Variants in C3orf49 observed in about 807,000 individuals in gnomAD.
C3orf49 encodes the protein chromosome 3 open reading frame 49, also known as putative uncharacterized protein C3orf49.
C3orf49 carries 27 observed loss-of-function variants against 13.3 expected under a neutral mutation model. The ratio of observed to expected loss-of-function variants is 2.02; its 90% CI spans 1.49 to 2.79. C3orf49 has a LOEUF of 2.79. C3orf49 is among the 30% of genes most tolerant of loss of function. The probability of loss-of-function intolerance (pLI) is 0.00; values close to 1 mark genes in which losing one functional copy is unlikely to be tolerated. For synonymous variants in C3orf49, 87 were observed against 47.6 expected (o/e 1.83, Z -3.40); for missense variants, 242 against 134.2 (o/e 1.80, Z -3.97).
intron 3 of C3orf49, 137 bp downstream of exon 3, chr3:63,827,862 A>T: frequency 1.8e-6 from 1 of 569,508 alleles, no homozygotes; most frequent in Non-Finnish European, 3.1e-6. Flanking sequence ...TCTCCTCTCC[A>T]AGAATTTAGG....
At chr3:63,795,652 CTG>C in the C3orf49 span, among the ~76,000 whole-genome samples, 1 of 152,142 alleles carries the variant, frequency 6.6e-6, no homozygotes, top group Non-Finnish European at 1.5e-5. Context: ...GCTGTAAACA[CTG>C]TGTACAAACT....
chr3:63,836,473 GA>G, intron 5 of C3orf49: 1 of 905,466 alleles, frequency 1.1e-6, no homozygotes, highest in Non-Finnish European at 1.7e-6. Context: ...ATCAAGAAAT[GA>G]AATCACTGAA....
upstream of C3orf49, among the ~76,000 whole-genome samples, chr3:63,818,933 G>T (rs1167600011): frequency 6.6e-6 from 1 of 152,192 alleles, no homozygotes; most frequent in Non-Finnish European, 1.5e-5. Context: ...TGTCATATGT[G>T]TCCCACAGGA....
upstream of C3orf49, among the ~76,000 whole-genome samples, chr3:63,818,113 G>C (rs1160995515): frequency 6.6e-6 from 1 of 152,096 alleles, no homozygotes; most frequent in African/African-American, 2.4e-5. Flanking sequence ...AGGGACAGAG[G>C]AACATCTGCA....
chr3:63,816,842 G>A (rs1701330727), upstream of C3orf49, among the ~76,000 whole-genome samples: 4 of 137,268 alleles, frequency 2.9e-5, no homozygotes, highest in South Asian at 2.3e-4. Flanking sequence ...GCGCGATCTC[G>A]GCTCACTGCA....
chr3:63,785,577 A>G, the C3orf49 span, among the ~76,000 whole-genome samples: 1 of 152,196 alleles, frequency 6.6e-6, no homozygotes, highest in African/African-American at 2.4e-5. Flanking sequence ...AATAAAAATA[A>G]TAACTTGAAC....
chr3:63,842,609 A>C (rs926697469), intron 5 of C3orf49, among the ~76,000 whole-genome samples: 2 of 152,214 alleles, frequency 1.3e-5, no homozygotes, highest in Non-Finnish European at 2.9e-5. Context: ...TGGAAAATCA[A>C]ATACCATATG....
rs1248220295 is a variant in C3orf49 at position 63,823,299 on chromosome 3, C to T, written c.175C>T (p.Pro59Ser). 2.8e-6 allele frequency: 2 copies of T among 702,604 alleles called. No homozygotes were observed. The highest frequency in any genetic ancestry group is 5.4e-5 in the East Asian group (2 of 37,276). 43.5% of individuals were successfully genotyped at this position (702,604 alleles called of 1,614,324 possible). ...TNLLKQNVLV[P>S]KEESSSDSDM... ...CTTACTAAAACAAAATGTATTGGTC[C>T]CTAAAGAGGAATCATCCAGTGATAG... The change falls in exon 2 of 7, where the codon CCT becomes TCT. Residue 59 changes from proline to serine, a missense_variant. By Grantham distance (74) the Pro-to-Ser change is moderately conservative. Coordinates refer to ENST00000295896, the MANE Select transcript of C3orf49 (RefSeq NM_001355236.2).
the C3orf49 span, among the ~76,000 whole-genome samples, chr3:63,798,915 C>G: frequency 6.6e-6 from 1 of 152,018 alleles, no homozygotes; most frequent in African/African-American, 2.4e-5. Flanking sequence ...ATTTAGAAGT[C>G]CTTTATTTGA....
At chr3:63,838,443 C>T in intron 5 of C3orf49, 2 of 1,609,482 alleles carry the variant, frequency 1.2e-6, no homozygotes, top group Non-Finnish European at 1.7e-6. Context: ...TAAAGTTTTG[C>T]CCATTGAAAA....
chr3:63,798,834 C>T, the C3orf49 span, among the ~76,000 whole-genome samples: 1 of 152,122 alleles, frequency 6.6e-6, no homozygotes, highest in African/African-American at 2.4e-5. Context: ...CCAAATATGG[C>T]CCAGGAACAA....
intron 5 of C3orf49, among the ~76,000 whole-genome samples, chr3:63,844,264 A>G (rs1191441849): frequency 6.6e-6 from 1 of 152,228 alleles, no homozygotes; most frequent in Admixed American, 6.5e-5. Context: ...AGGCAAGAGC[A>G]ATAAATTTCA....
intron 3 of C3orf49, among the ~76,000 whole-genome samples, chr3:63,830,764 G>C (rs1701522053): frequency 6.6e-6 from 1 of 152,104 alleles, no homozygotes; most frequent in African/African-American, 2.4e-5. Flanking sequence ...TGGGGCACTG[G>C]TCCACAACGG....
the C3orf49 span, among the ~76,000 whole-genome samples, chr3:63,795,598 T>C: frequency 5.6e-4 from 85 of 152,246 alleles, no homozygotes; most frequent in African/African-American, 1.9e-3. Context: ...TGCTCAATCG[T>C]CCTCTTCCTT....
In C3orf49 at chr3:63,831,684, A is replaced by G. The variant is rs1176229101; in HGVS notation, c.689A>G (p.Asp230Gly). 1 of 703,054 alleles carries G rather than the reference A, an allele frequency of 1.4e-6. No homozygotes were observed. Among genetic ancestry groups the G allele is most frequent in the Non-Finnish European group, 2.6e-6 (1 of 385,012 alleles). 43.6% of individuals were successfully genotyped at this position (703,054 alleles called of 1,614,324 possible). A position where few individuals can be genotyped will look rare whatever the true frequency, so the allele number is the denominator to read the frequency against. ...CTTTGTATTTATCTGTCATAGGTGG[A>G]TGACCTCATAGAAACAGTGACTGAT... ...LTVGKLQMQV[D>G]DLIETVTDKS... The change falls in exon 5 of 7, where the codon GAT (aspartate) becomes GGT (glycine). Residue 230 changes from aspartate (D) to glycine (G), a missense_variant. Asp to Gly is a moderately conservative substitution (Grantham distance 94). Coordinates refer to ENST00000295896, the MANE Select transcript of C3orf49 (RefSeq NM_001355236.2).
the C3orf49 span, among the ~76,000 whole-genome samples, chr3:63,785,654 G>A: frequency 2.6e-5 from 4 of 152,142 alleles, no homozygotes; most frequent in Admixed American, 6.5e-5. Context: ...GTATTACACG[G>A]TGAATGAATT....
chr3:63,838,027 C>T, intron 5 of C3orf49: 1 of 1,609,330 alleles, frequency 6.2e-7, no homozygotes. Context: ...TTTTTGCACT[C>T]AGCAATTTTT....
the C3orf49 span, among the ~76,000 whole-genome samples, chr3:63,789,980 C>T: frequency 2.6e-5 from 4 of 152,128 alleles, no homozygotes; most frequent in African/African-American, 9.7e-5. Flanking sequence ...TACCTGTAAA[C>T]GTCCACTGGA....
chr3:63,847,700 G>A (rs530455765), intron 6 of C3orf49, among the ~76,000 whole-genome samples: 5 of 110,850 alleles, frequency 4.5e-5, no homozygotes, highest in African/African-American at 1.4e-4. Context: ...TCGTGCAACT[G>A]CACTCCAGTC....
Sources: allele counts gnomAD v4.1 joint callset (sites outside exome capture counted in the v4.1 genomes callset), GRCh38; gene constraint gnomAD v4.1.1; transcripts MANE v1.5; gene names NCBI Gene and HGNC (gene_info 2026-07-23, HGNC 2026-07-21).